PAFAH1B1: variants seen among roughly 807,000 people sequenced by gnomAD.
PAFAH1B1 encodes the protein platelet activating factor acetylhydrolase 1b regulatory subunit 1, also known as platelet-activating factor acetylhydrolase IB subunit beta.
In PAFAH1B1, 2 loss-of-function variants were observed where a neutral mutation model predicts 57.5. That is an observed-to-expected ratio of 0.03 (90% confidence interval 0.01 to 0.11). PAFAH1B1 has a LOEUF of 0.11. Ranked by LOEUF, PAFAH1B1 falls within the 10% of genes least tolerant of loss-of-function variation. PAFAH1B1 has a pLI of 1.00. For synonymous variants in PAFAH1B1, 152 were observed against 169.6 expected, an observed-to-expected ratio of 0.90 and a Z score of 0.81; for missense variants, 257 against 512.0, an observed-to-expected ratio of 0.50 and a Z score of 4.81.
chr17:2,624,540 G>A (rs2068464347), intron 1 of PAFAH1B1, among the ~76,000 whole-genome samples: 1 of 152,110 alleles, frequency 6.6e-6, no homozygotes, highest in South Asian at 2.1e-4. Context: ...AGAAAAATGA[G>A]GAAGAAGCAA....
chr17:2,636,945 T>C (rs1255764429), intron 1 of PAFAH1B1, among the ~76,000 whole-genome samples: 1 of 152,110 alleles, frequency 6.6e-6, no homozygotes, highest in Non-Finnish European at 1.5e-5. Flanking sequence ...GGTCTTGAAC[T>C]CCTGGGCTCA....
chr17:2,628,419 A>G (rs1368097794), intron 1 of PAFAH1B1, among the ~76,000 whole-genome samples: 1 of 151,842 alleles, frequency 6.6e-6, no homozygotes, highest in Non-Finnish European at 1.5e-5. Flanking sequence ...CTAATATGAA[A>G]CCTACTTGAT....
intron 8 of PAFAH1B1, among the ~76,000 whole-genome samples, chr17:2,676,021 T>C (rs2069259649): frequency 6.6e-6 from 1 of 152,250 alleles, no homozygotes; most frequent in South Asian, 2.1e-4. Context: ...TCTTACATTA[T>C]CTGAGTCCTT....
chr17:2,648,761 TAAAA>T (rs35463848), intron 2 of PAFAH1B1, among the ~76,000 whole-genome samples: 1 of 147,700 alleles, frequency 6.8e-6, no homozygotes, highest in Admixed American at 6.8e-5. Flanking sequence ...TCCTGATGGT[TAAAA>T]AAAAAAAACC....
rs2069397465 is a variant in PAFAH1B1, at chr17:2,682,377, C to G, written c.*575C>G. 1.3e-5 allele frequency: 2 copies of G among 152,624 alleles called. No homozygotes were observed. Among genetic ancestry groups the G allele is most frequent in the Non-Finnish European group, 2.9e-5 (2 of 68,066 alleles). 9.5% of individuals were successfully genotyped at this position (152,624 alleles called of 1,614,324 possible). ...TTTTGTCATGACACATTTGCCAAAT[C>G]AGTAGGATATATTTGTTTTGGCAGC... is the stretch of plus-strand genomic sequence containing the variant. On this transcript the variant is annotated 3_prime_UTR_variant, in exon 11 of 11. Coordinates refer to ENST00000397195, the MANE Select transcript of PAFAH1B1 (RefSeq NM_000430.4).
In PAFAH1B1 at chr17:2,685,541, A is replaced by G. The variant is rs145041515; in HGVS notation, c.*3739A>G. 1.3e-5 allele frequency: 2 copies of G among 152,316 alleles called. No homozygotes were observed. Among genetic ancestry groups the G allele is most frequent in the East Asian group, 3.9e-4 (2 of 5,176 alleles). The allele number at this position is 152,316 out of a possible 1,614,324, so 9.4% of individuals were successfully genotyped here. ...GTTGCTCTCAGACTGTGTAAAACAA[A>G]ATTTATTCATGTTTTCTGCATATTA... is the stretch of plus-strand genomic sequence containing the variant. On this transcript the variant is annotated 3_prime_UTR_variant, in exon 11 of 11. Transcript: ENST00000397195.
chr17:2,603,809 T>G (rs1306686757), intron 1 of PAFAH1B1, among the ~76,000 whole-genome samples: 1 of 151,998 alleles, frequency 6.6e-6, no homozygotes, highest in Non-Finnish European at 1.5e-5. Context: ...GGCACGATCT[T>G]GGCTTACTGC....
intron 9 of PAFAH1B1, among the ~76,000 whole-genome samples, chr17:2,678,438 C>G (rs2069308618): frequency 6.7e-6 from 1 of 148,280 alleles, no homozygotes; most frequent in Non-Finnish European, 1.5e-5. Context: ...TGGTGGCGCA[C>G]GTCTGTAATC....
At chr17:2,640,773 G>T (rs567191193) in intron 2 of PAFAH1B1, 1 of 152,140 alleles carries the variant, frequency 6.6e-6, no homozygotes, top group Admixed American at 6.6e-5. Context: ...ACGCATTCTT[G>T]GCCAGAATAC....
chr17:2,604,365 A>G (rs527538673), intron 1 of PAFAH1B1, among the ~76,000 whole-genome samples: 1 of 152,244 alleles, frequency 6.6e-6, no homozygotes, highest in Non-Finnish European at 1.5e-5. Flanking sequence ...GATTAAATGG[A>G]TAGGAAAATC....
intron 1 of PAFAH1B1, among the ~76,000 whole-genome samples, chr17:2,595,846 C>T (rs748292299): frequency 2.6e-5 from 4 of 152,092 alleles, no homozygotes; most frequent in African/African-American, 4.8e-5. Context: ...GCAAGCCCTA[C>T]GTTGGTACCT....
intron 1 of PAFAH1B1, among the ~76,000 whole-genome samples, chr17:2,624,339 G>A (rs2068461883): frequency 6.6e-6 from 1 of 151,972 alleles, no homozygotes; most frequent in Non-Finnish European, 1.5e-5. Context: ...TCATTTCCGG[G>A]TATCTTTTCA....
At chr17:2,634,352 G>A (rs2068595578) in intron 1 of PAFAH1B1, among the ~76,000 whole-genome samples, 1 of 152,122 alleles carries the variant, frequency 6.6e-6, no homozygotes, top group Non-Finnish European at 1.5e-5. Context: ...GGCCAGGCTG[G>A]TCTTGAACTC....
chr17:2,620,412 T>C (rs1424945889), intron 1 of PAFAH1B1, among the ~76,000 whole-genome samples: 1 of 152,222 alleles, frequency 6.6e-6, no homozygotes, highest in African/African-American at 2.4e-5. Flanking sequence ...TTTGGTTTGA[T>C]TCTTTTTTGA....
At chr17:2,670,510 A>G (rs113086120) in intron 6 of PAFAH1B1, 179 bp downstream of exon 6, 56 of 617,596 alleles carry the variant, frequency 9.1e-5, no homozygotes, top group African/African-American at 8.8e-4. Flanking sequence ...GCTTTCTATT[A>G]GGAAGTTTTA....
chr17:2,618,312 A>G (rs549467523), intron 1 of PAFAH1B1, among the ~76,000 whole-genome samples: 1 of 152,292 alleles, frequency 6.6e-6, no homozygotes, highest in South Asian at 2.1e-4. Flanking sequence ...AAATTCTCTC[A>G]TATCTTCAGT....
intron 2 of PAFAH1B1, among the ~76,000 whole-genome samples, chr17:2,652,187 A>C (rs58616602): frequency 4.1e-5 from 6 of 147,494 alleles, no homozygotes. Flanking sequence ...AAGGCGGGCA[A>C]ATCACGAGGT....
intron 7 of PAFAH1B1, 46 bp from the exon 8 acceptor site, chr17:2,674,014 C>T (rs1262270018): frequency 7.4e-7 from 1 of 1,356,898 alleles, no homozygotes. Context: ...TGGGAAGTGT[C>T]CTGATGATTG....
At chr17:2,608,655 G>C (rs1329118336) in intron 1 of PAFAH1B1, among the ~76,000 whole-genome samples, 6 of 152,118 alleles carry the variant, frequency 3.9e-5, no homozygotes, top group Admixed American at 3.9e-4. Flanking sequence ...CAAATTAACC[G>C]GATGTGGTGG....
Sources: gnomAD v4.1 joint callset for allele counts (sites outside exome capture counted in the v4.1 genomes callset) on GRCh38, gnomAD v4.1.1 for gene constraint, MANE v1.5 for transcripts, NCBI Gene and HGNC (gene_info 2026-07-23, HGNC 2026-07-21) for gene names.